The following SLC35B4 variants were observed in gnomAD, a reference collection of about 807,000 sequenced individuals.
The protein encoded by SLC35B4 is nucleotide sugar transporter SLC35B4.
SLC35B4 carries 28 observed loss-of-function variants against 39.5 expected under a neutral mutation model. The observed-to-expected ratio is 0.71, with a 90% CI of 0.53 to 0.97. The LOEUF is 0.97. SLC35B4 is among the 50% of genes least tolerant of loss of function. The probability of loss-of-function intolerance (pLI) is 0.00; values close to 1 mark genes in which losing one functional copy is unlikely to be tolerated. For missense variants in SLC35B4, 334 were observed against 414.3 expected, an observed-to-expected ratio of 0.81 and a Z score of 1.68; for synonymous variants, 145 against 150.4, an observed-to-expected ratio of 0.96 and a Z score of 0.26.
intron 4 of SLC35B4, among the ~76,000 whole-genome samples, chr7:134,303,564 T>C (rs1285649099): frequency 6.6e-6 from 1 of 152,104 alleles, no homozygotes; most frequent in Non-Finnish European, 1.5e-5. Flanking sequence ...AGATAAACGG[T>C]CCATGATATG....
chr7:134,308,563 T>C (rs1311435562), intron 2 of SLC35B4, among the ~76,000 whole-genome samples: 1 of 152,250 alleles, frequency 6.6e-6, no homozygotes, highest in East Asian at 1.9e-4. Context: ...AGATTTTCTA[T>C]AGCAGGCTAC....
chr7:134,307,136 G>A (rs1276746041), intron 2 of SLC35B4, among the ~76,000 whole-genome samples: 2 of 152,106 alleles, frequency 1.3e-5, no homozygotes, highest in South Asian at 2.1e-4. Context: ...TGTTTGTACT[G>A]TTAATTTTCG....
intron 7 of SLC35B4, 66 bp downstream of exon 7, chr7:134,300,086 G>A (rs1803545344): frequency 8.8e-7 from 1 of 1,133,710 alleles, no homozygotes; most frequent in Non-Finnish European, 1.3e-6. Flanking sequence ...AATATTAATA[G>A]TTCACTTGAA....
chr7:134,307,253 G>A (rs1217908481), intron 2 of SLC35B4, among the ~76,000 whole-genome samples: 1 of 151,788 alleles, frequency 6.6e-6, no homozygotes, highest in Non-Finnish European at 1.5e-5. Context: ...ATGAGGACAT[G>A]GTTTGACTTG....
At chr7:134,297,514 T>C (rs895539381) in intron 8 of SLC35B4, among the ~76,000 whole-genome samples, 1 of 152,098 alleles carries the variant, frequency 6.6e-6, no homozygotes. Context: ...GCACTTTCAT[T>C]AGAGGAGGCA....
chr7:134,302,805 G>T (rs1803614779), intron 4 of SLC35B4, among the ~76,000 whole-genome samples: 1 of 152,038 alleles, frequency 6.6e-6, no homozygotes, highest in African/African-American at 2.4e-5. Context: ...ACCATCCCAG[G>T]TTTTCTACTC....
chr7:134,295,176 C>A, intron 9 of SLC35B4, 97 bp from the exon 10 acceptor site: 1 of 1,489,402 alleles, frequency 6.7e-7, no homozygotes, highest in Non-Finnish European at 9.0e-7. Context: ...TTCTCATATT[C>A]TAAGAAAACA....
intron 9 of SLC35B4, among the ~76,000 whole-genome samples, chr7:134,295,964 G>A (rs965070579): frequency 6.6e-6 from 1 of 152,074 alleles, no homozygotes; most frequent in African/African-American, 2.4e-5. Flanking sequence ...GGAGTAGCTG[G>A]GATTATAGGC....
chr7:134,305,336 G>GTGTA lies in SLC35B4; in HGVS notation c.295-483_295-482insTACA, dbSNP rs1554484072. 4.3e-4 allele frequency among the ~76,000 whole-genome samples: 64 copies of GTGTA among 149,300 alleles called. 1 individual carries two copies. In the East Asian group the frequency reaches 8.3e-3, roughly 19 times the overall value. Reference sequence around the variant, plus strand: ...CGAAACTCCGTCTCCAAAAATATACGTATATATATATATATTTAAAAAACC... The same window carrying GTGTA: ...CGAAACTCCGTCTCCAAAAATATACGTGTATATATATATATATATTTAAAAAACC... On this transcript the variant is annotated intron_variant, in intron 3 of 9. Coordinates refer to ENST00000378509, the MANE Select transcript of SLC35B4 (RefSeq NM_032826.5).
chr7:134,295,003 G>T lies in SLC35B4; in HGVS notation c.826C>A (p.Arg276Ser), dbSNP rs770005997. ...GAAAAGATGAGGCTCACAAATTTGC[G>T]TAGGGTCACGACGAGCGTGACGGTG... ...SLTVTLVVTL[R>S]KFVSLIFSIL... The change falls in exon 10 of 10, where the codon CGC becomes AGC. Residue 276 changes from arginine to serine, a missense_variant. Coordinates refer to ENST00000378509, the MANE Select transcript of SLC35B4 (RefSeq NM_032826.5). The T allele has an allele frequency of 6.2e-7, 1 of 1,614,160 alleles. No individual in the cohort carries two copies. Among genetic ancestry groups the T allele is most frequent in the Non-Finnish European group, 8.5e-7 (1 of 1,180,028 alleles).
At chr7:134,305,774 G>GA (rs2117302705) in intron 3 of SLC35B4, among the ~76,000 whole-genome samples, 1 of 152,094 alleles carries the variant, frequency 6.6e-6, no homozygotes, top group African/African-American at 2.4e-5. Flanking sequence ...AGGTTCAAGC[G>GA]ATTCTCCTGC....
rs932890547 is a variant in SLC35B4, at chr7:134,292,307, C to T, written c.*2526G>A. The T allele has an allele frequency of 6.6e-6, 1 of 152,504 alleles. No individual in the cohort carries two copies. Among genetic ancestry groups the T allele is most frequent in the Non-Finnish European group, 1.5e-5 (1 of 68,184 alleles). The allele number at this position is 152,504 out of a possible 1,614,324, so 9.4% of individuals were successfully genotyped here. On this transcript the variant is annotated 3_prime_UTR_variant, in exon 10 of 10. Coordinates refer to ENST00000378509, the MANE Select transcript of SLC35B4 (RefSeq NM_032826.5). ...AAAGTATTAACTGGTGTCCATTAGA[C>T]ATATTTCCTTATATTCAGCTACTAG...
rs147033445 is a variant in SLC35B4 at position 134,295,644 on chromosome 7, T to A, written c.750-565A>T. Among the ~76,000 whole-genome samples, 606 of 152,170 alleles carry A rather than the reference T, an allele frequency of 4.0e-3. 1 individual carries two copies. Among genetic ancestry groups the A allele is most frequent in the African/African-American group, 0.014 (579 of 41,502 alleles). ...TTCTGTTACTCAAGCTAGAGTGCAG[T>A]GGAGTGATCAAGCTCACTGCAGCCT... On this transcript the variant is annotated intron_variant, in intron 9 of 9. Coordinates refer to ENST00000378509, the MANE Select transcript of SLC35B4 (RefSeq NM_032826.5).
chr7:134,307,311 AG>A (rs774919750), intron 2 of SLC35B4, among the ~76,000 whole-genome samples: 1 of 148,208 alleles, frequency 6.7e-6, no homozygotes. Flanking sequence ...GAAAGTTTAT[AG>A]GTCTTAAAAT....
In SLC35B4 at chr7:134,291,682, A is replaced by G. The variant is rs1803332129; in HGVS notation, c.*3151T>C. The G allele has an allele frequency of 6.6e-6, 1 of 152,236 alleles. No homozygotes were observed. The highest frequency in any genetic ancestry group is 2.4e-5 in the African/African-American group (1 of 41,468). 9.4% of individuals were successfully genotyped at this position (152,236 alleles called of 1,614,324 possible). The stretch of plus-strand genomic sequence containing the variant: ...TTTCACTGTGGTTAACAGGATGGAA[A>G]GGAGGAAAAAACTAAAAACAAAGTA... On this transcript the variant is annotated 3_prime_UTR_variant, in exon 10 of 10. Coordinates refer to ENST00000378509, the MANE Select transcript of SLC35B4 (RefSeq NM_032826.5).
In SLC35B4 at chr7:134,305,179, T is replaced by C. The variant is rs911006817; in HGVS notation, c.295-325A>G. ...TCTACTAAAAAATACGAAACTTAGCTGGGCGTGGTGGCAGTTGCCTGTAAT... is the reference window on the plus strand; with the variant it reads ...TCTACTAAAAAATACGAAACTTAGCCGGGCGTGGTGGCAGTTGCCTGTAAT... On this transcript the variant is annotated intron_variant, in intron 3 of 9. Transcript: ENST00000378509. Among the ~76,000 whole-genome samples the C allele has an allele frequency of 1.4e-4, 21 of 152,096 alleles. 1 individual carries two copies. The East Asian group carries it at 1.9e-3, about 14-fold the overall frequency.
At chr7:134,311,273 T>C (rs1387883120) in intron 1 of SLC35B4, among the ~76,000 whole-genome samples, 1 of 152,218 alleles carries the variant, frequency 6.6e-6, no homozygotes, top group African/African-American at 2.4e-5. Flanking sequence ...AGCCTAAATA[T>C]GAGTGACAGA....
At chr7:134,311,572 T>G (rs1803842329) in intron 1 of SLC35B4, among the ~76,000 whole-genome samples, 1 of 152,148 alleles carries the variant, frequency 6.6e-6, no homozygotes, top group African/African-American at 2.4e-5. Context: ...GGAGAATCAC[T>G]TGAACCTGGG....
At position 134,292,431 on chromosome 7, in the gene SLC35B4, C is replaced by A. The variant is rs1328498369; in HGVS notation, c.*2402G>T. The A allele has an allele frequency of 6.6e-6, 1 of 152,276 alleles. No homozygotes were observed. Among genetic ancestry groups the A allele is most frequent in the Non-Finnish European group, 1.5e-5 (1 of 68,050 alleles). The allele number at this position is 152,276 out of a possible 1,614,324, so 9.4% of individuals were successfully genotyped here. On this transcript the variant is annotated 3_prime_UTR_variant, in exon 10 of 10. Coordinates refer to ENST00000378509, the MANE Select transcript of SLC35B4 (RefSeq NM_032826.5). ...TAATCTATTCCCTGCCCATACATAG[C>A]CTCCTATTCATAAGACTGGCTGAGG...
Sources: allele counts gnomAD v4.1 joint callset (sites outside exome capture counted in the v4.1 genomes callset), GRCh38; gene constraint gnomAD v4.1.1; transcripts MANE v1.5; gene names NCBI Gene and HGNC (gene_info 2026-07-23, HGNC 2026-07-21).